UBN2: variants seen among roughly 807,000 people sequenced by gnomAD.
The protein encoded by UBN2 is ubinuclein 2, also known as ubinuclein-2.
Under a neutral mutation model 120.2 loss-of-function variants are expected in UBN2, and 35 were observed. That is an observed-to-expected ratio of 0.29 (90% CI 0.22 to 0.39). UBN2 has a LOEUF of 0.39. Ranked by LOEUF, UBN2 falls within the 10% of genes least tolerant of loss-of-function variation. The probability of loss-of-function intolerance (pLI) is 1.00; values close to 1 mark genes in which losing one functional copy is unlikely to be tolerated. For synonymous variants in UBN2, 661 were observed against 648.7 expected, an observed-to-expected ratio of 1.02 and a Z score of -0.29; for missense variants, 1,693 against 1,663.2, an observed-to-expected ratio of 1.02 and a Z score of -0.31.
downstream of UBN2, among the ~76,000 whole-genome samples, chr7:139,312,946 A>G (rs1021823139): frequency 1.1e-4 from 16 of 152,186 alleles, no homozygotes; most frequent in African/African-American, 3.9e-4. Context: ...TCATATATCC[A>G]GTTCTCATAT....
At chr7:139,290,120 G>T (rs1797909500) in intron 15 of UBN2, among the ~76,000 whole-genome samples, 1 of 152,080 alleles carries the variant, frequency 6.6e-6, no homozygotes, top group African/African-American at 2.4e-5. Flanking sequence ...AGAGACCGGG[G>T]TTAGTAGAGA....
At chr7:139,319,302 C>T in the UBN2 span, among the ~76,000 whole-genome samples, 8 of 152,118 alleles carry the variant, frequency 5.3e-5, no homozygotes, top group African/African-American at 1.9e-4. Context: ...AGGCTGATCT[C>T]GAACTCCTGA....
At chr7:139,282,539 G>A (rs75913858) in intron 14 of UBN2, among the ~76,000 whole-genome samples, 10,992 of 152,144 alleles carry the variant, frequency 0.072, 749 homozygotes, top group Admixed American at 0.2. Context: ...TCTATGTACT[G>A]GCTGTAGGGT....
chr7:139,246,859 T>G (rs930013614), intron 2 of UBN2, among the ~76,000 whole-genome samples: 1 of 152,198 alleles, frequency 6.6e-6, no homozygotes, highest in African/African-American at 2.4e-5. Flanking sequence ...ATAGTACTTT[T>G]GAAATTCCTC....
At position 139,293,353 on chromosome 7, in the gene UBN2, C is replaced by T; in HGVS notation, c.3791C>T (p.Thr1264Ile). ...ATGCTGGGTGGCCTTGTTCCAGTGA[C>T]CATGCCCTTCCAGTTTCCCTTGGAG... ...FGMLGGLVPV[T>I]MPFQFPLEIF... Residue 1264 changes from threonine (T) to isoleucine (I), a missense_variant, in exon 16 of 18, where the codon ACC becomes ATC. By Grantham distance (89) the Thr-to-Ile change is moderately conservative (BLOSUM62 -1). This residue lies in a region of UBN2 where 837 missense variants were observed against 817.6 expected (regional missense o/e 1.02). Coordinates refer to ENST00000473989, the MANE Select transcript of UBN2 (RefSeq NM_173569.4). 6.2e-7 allele frequency: 1 copy of T among 1,614,190 alleles called. No homozygotes were observed. Among genetic ancestry groups the T allele is most frequent in the Non-Finnish European group, 8.5e-7 (1 of 1,180,032 alleles).
chr7:139,289,453 C>T, intron 15 of UBN2, among the ~76,000 whole-genome samples: 1 of 139,426 alleles, frequency 7.2e-6, no homozygotes, highest in East Asian at 2.1e-4. Context: ...CACTCTGTTG[C>T]CCAGGCTGGA....
the UBN2 span, among the ~76,000 whole-genome samples, chr7:139,320,032 T>G: frequency 3.3e-5 from 5 of 150,070 alleles, no homozygotes; most frequent in Non-Finnish European, 1.5e-5. Context: ...GCCGAGATCG[T>G]GCCACTGCAC....
intron 2 of UBN2, among the ~76,000 whole-genome samples, chr7:139,246,524 G>A (rs1646365889): frequency 6.6e-6 from 1 of 152,210 alleles, no homozygotes; most frequent in Non-Finnish European, 1.5e-5. Context: ...ACACTTGGAA[G>A]CAGAAATTAT....
At chr7:139,251,902 C>T (rs1424412288) in intron 2 of UBN2, 54 bp from the exon 3 acceptor site, 2 of 1,547,222 alleles carry the variant, frequency 1.3e-6, no homozygotes, top group African/African-American at 1.4e-5. Flanking sequence ...TCTTTTTAAA[C>T]TTTATGGAAA....
the UBN2 span, among the ~76,000 whole-genome samples, chr7:139,318,127 G>A: frequency 3.5e-4 from 53 of 152,158 alleles, 1 homozygote; most frequent in South Asian, 0.011. Flanking sequence ...GTTCCATTCC[G>A]GTTTGTGTAG....
downstream of UBN2, among the ~76,000 whole-genome samples, chr7:139,309,389 C>CAAAT (rs1171463961): frequency 6.6e-6 from 1 of 152,178 alleles, no homozygotes; most frequent in Non-Finnish European, 1.5e-5. Flanking sequence ...CTTTAGCTAA[C>CAAAT]ATTTAAGGAC....
chr7:139,256,632 C>T (rs1796774012), intron 3 of UBN2, among the ~76,000 whole-genome samples: 2 of 152,062 alleles, frequency 1.3e-5, no homozygotes, highest in South Asian at 4.1e-4. Context: ...GCAAAGAGTA[C>T]AGGTGTTTTT....
chr7:139,303,538 A>G lies in UBN2; in HGVS notation c.*5702A>G, dbSNP rs992439096. 19 of 152,172 alleles carry G rather than the reference A, an allele frequency of 1.2e-4. No individual in the cohort carries two copies. Among genetic ancestry groups the G allele is most frequent in the Non-Finnish European group, 2.8e-4 (19 of 68,028 alleles). 9.4% of individuals were successfully genotyped at this position (152,172 alleles called of 1,614,324 possible). A position where few individuals can be genotyped will look rare whatever the true frequency, so the allele number is the denominator to read the frequency against. On this transcript the variant is annotated 3_prime_UTR_variant, in exon 18 of 18. Coordinates refer to ENST00000473989, the MANE Select transcript of UBN2 (RefSeq NM_173569.4). The stretch of plus-strand genomic sequence containing the variant: ...TTCTTGAATGACTATGTCTAGGGGG[A>G]ATATTGTTTAACCTTCGTGCCTCAG...
chr7:139,324,394 A>G, the UBN2 span, among the ~76,000 whole-genome samples: 3 of 151,476 alleles, frequency 2.0e-5, no homozygotes, highest in East Asian at 3.9e-4. Context: ...CGTCTCTACT[A>G]AAAATACAAA....
chr7:139,274,136 TACATAC>T (rs1797370686), intron 11 of UBN2, 62 bp downstream of exon 11: 29 of 1,445,534 alleles, frequency 2.0e-5, no homozygotes, highest in Non-Finnish European at 2.5e-5. Context: ...ATTAAAGATA[TACATAC>T]ACATACACAT....
At chr7:139,250,601 C>T (rs1796598460) in intron 2 of UBN2, among the ~76,000 whole-genome samples, 1 of 151,586 alleles carries the variant, frequency 6.6e-6, no homozygotes, top group South Asian at 2.1e-4. Context: ...AAATATACTA[C>T]AGAGAAATCC....
intron 6 of UBN2, among the ~76,000 whole-genome samples, chr7:139,264,415 T>C (rs1318806033): frequency 6.6e-6 from 1 of 152,210 alleles, no homozygotes; most frequent in Non-Finnish European, 1.5e-5. Context: ...TTAATAATTA[T>C]GATGTCAGTG....
Position 139,305,042 on chromosome 7 carries a change from G to A in UBN2, c.*7206G>A, listed in dbSNP as rs972633477. ...CTACAGATGCTTTCACTGGTGCAAA[G>A]CTGTAGTTAGTATCATGGAATGTCT... On this transcript the variant is annotated 3_prime_UTR_variant, in exon 18 of 18. Transcript: ENST00000473989. The A allele has an allele frequency of 2.0e-5, 3 of 152,146 alleles. No individual in the cohort carries two copies. Among genetic ancestry groups the A allele is most frequent in the African/African-American group, 7.2e-5 (3 of 41,434 alleles). 9.4% of individuals were successfully genotyped at this position (152,146 alleles called of 1,614,324 possible).
At chr7:139,237,129 T>A in intron 2 of UBN2, 32 bp downstream of exon 2, 1 of 1,504,634 alleles carries the variant, frequency 6.6e-7, no homozygotes, top group South Asian at 1.1e-5. Flanking sequence ...CTTAGGTAAT[T>A]TTATCCTATT....
Sources: allele counts gnomAD v4.1 joint callset (sites outside exome capture counted in the v4.1 genomes callset), GRCh38; gene constraint gnomAD v4.1.1; regional missense constraint gnomAD v4.1.1; transcripts MANE v1.5; gene names NCBI Gene and HGNC (gene_info 2026-07-23, HGNC 2026-07-21).